The following ANKFN1 variants were observed in gnomAD, a reference collection of about 807,000 sequenced individuals.
ANKFN1 encodes ankyrin repeat and fibronectin type-III domain-containing protein 1.
A neutral mutation model predicts 108.7 loss-of-function variants in ANKFN1; 74 were observed. The observed-to-expected ratio is 0.68, with a 90% CI of 0.56 to 0.83. The LOEUF is 0.83. ANKFN1 is among the 40% of genes least tolerant of loss of function. The pLI, the probability that ANKFN1 is intolerant of heterozygous loss-of-function variation, is 0.00. For missense variants in ANKFN1, 1,505 were observed against 1,382.3 expected, an observed-to-expected ratio of 1.09 and a Z score of -1.41; for synonymous variants, 547 against 516.2, an observed-to-expected ratio of 1.06 and a Z score of -0.81.
At chr17:56,250,554 A>G (rs954019537) in intron 3 of ANKFN1, among the ~76,000 whole-genome samples, 4 of 152,224 alleles carry the variant, frequency 2.6e-5, no homozygotes, top group Admixed American at 2.6e-4. Flanking sequence ...TTCTGCACAC[A>G]GAGTATTTTT....
intron 8 of ANKFN1, among the ~76,000 whole-genome samples, chr17:56,392,314 A>C (rs1471766754): frequency 3.3e-5 from 5 of 152,180 alleles, no homozygotes; most frequent in Admixed American, 2.6e-4. Flanking sequence ...CTCTGAATTA[A>C]CAAACAAATG....
intron 4 of ANKFN1, among the ~76,000 whole-genome samples, chr17:56,330,978 A>T (rs901370655): frequency 2.0e-5 from 3 of 152,184 alleles, no homozygotes; most frequent in African/African-American, 7.2e-5. Context: ...ACTCTGTGTC[A>T]TCATTGTAAT....
chr17:56,503,609 C>T (rs2051455443), intron 20 of ANKFN1, among the ~76,000 whole-genome samples: 1 of 149,442 alleles, frequency 6.7e-6, no homozygotes, highest in Admixed American at 6.6e-5. Context: ...TTCTGCCATG[C>T]CCCCTGCCTT....
intron 4 of ANKFN1, among the ~76,000 whole-genome samples, chr17:56,327,175 T>C (rs1387193424): frequency 1.3e-5 from 2 of 152,194 alleles, no homozygotes; most frequent in Non-Finnish European, 2.9e-5. Flanking sequence ...ACTTGGTTTC[T>C]TCATTTCCTA....
chr17:56,055,557 G>GTATATATACATATATATATA (rs1904854270), intron 4 of ANKFN1, among the ~76,000 whole-genome samples: 4 of 20,952 alleles, frequency 1.9e-4, no homozygotes, highest in African/African-American at 8.0e-4. Flanking sequence ...TGTGTGTGTG[G>GTATATATACATATATATATA]TATATATACA....
At chr17:56,154,429 A>G (rs16956793) in intron 1 of ANKFN1, among the ~76,000 whole-genome samples, 1,740 of 152,246 alleles carry the variant, frequency 0.011, 36 homozygotes, top group African/African-American at 0.039. Flanking sequence ...AGTGCAAGTA[A>G]GGCATGAAAG....
intron 3 of ANKFN1, among the ~76,000 whole-genome samples, chr17:56,315,589 C>T (rs550293659): frequency 6.6e-5 from 10 of 152,332 alleles, no homozygotes; most frequent in African/African-American, 2.2e-4. Flanking sequence ...TTCCATTCAA[C>T]GCCTTTGCTG....
intron 2 of ANKFN1, among the ~76,000 whole-genome samples, chr17:56,217,389 T>C (rs1027854346): frequency 6.6e-6 from 1 of 152,222 alleles, no homozygotes; most frequent in African/African-American, 2.4e-5. Context: ...GACTCCAAAG[T>C]GTTAGCAGAG....
At position 56,510,542 on chromosome 17, in the gene ANKFN1, C is replaced by T. The variant is rs967587155; in HGVS notation, c.2714C>T (p.Ser905Phe). 1 of 1,536,088 alleles carries T rather than the reference C, an allele frequency of 6.5e-7. No homozygotes were observed. Among genetic ancestry groups the T allele is most frequent in the African/African-American group, 1.4e-5 (1 of 73,062 alleles). ...CTCCCCACCAACAGTGACTACGACT[C>T]CAGCGATGCCCTGAGCCCCAGAGAC... ...VFLPTNSDYD[S>F]SDALSPRDLD... Residue 905 changes from serine (S) to phenylalanine (F), a missense_variant, in exon 21 of 21, where the codon TCC becomes TTC. Physicochemically the swap from Ser to Phe is radical, Grantham distance 155. Coordinates refer to ENST00000682825, the MANE Select transcript of ANKFN1 (RefSeq NM_001370326.1).
intron 9 of ANKFN1, among the ~76,000 whole-genome samples, chr17:56,441,363 G>T (rs2049097686): frequency 1.3e-5 from 2 of 151,782 alleles, no homozygotes; most frequent in Non-Finnish European, 2.9e-5. Flanking sequence ...AAAAAAAAAT[G>T]CATCAGGTTG....
At position 56,065,380 on chromosome 17, in the gene ANKFN1, C is replaced by T. The variant is rs924627897; in HGVS notation, c.288+19055C>T. Among the ~76,000 whole-genome samples the T allele has an allele frequency of 2.0e-5, 3 of 152,294 alleles. No individual in the cohort carries two copies. The South Asian group carries it at 6.2e-4, about 32-fold the overall frequency. The stretch of plus-strand genomic sequence containing the variant: ...AAGGCTGTTTGGCATTCTTATCATT[C>T]ATGTGCTCATAGGAGTAACACTTTT... On this transcript the variant is annotated intron_variant, in intron 4 of 12. Coordinates refer to the ANKFN1 transcript ENST00000635860.
chr17:56,104,862 A>T (rs1470555243), intron 4 of ANKFN1, among the ~76,000 whole-genome samples: 1 of 152,184 alleles, frequency 6.6e-6, no homozygotes, highest in African/African-American at 2.4e-5. Context: ...AGAGGGTCAC[A>T]GGACAACTAC....
rs533169285 is a variant in ANKFN1, at chr17:56,066,256, T to C, written c.288+19931T>C. Reference sequence around the variant, plus strand: ...AAGAAGGCTTGGAGAAATATCACCATTGGGGAAGTCAATGTACACTTATAA... The same window carrying C: ...AAGAAGGCTTGGAGAAATATCACCACTGGGGAAGTCAATGTACACTTATAA... On this transcript the variant is annotated intron_variant, in intron 4 of 12. Transcript: ENST00000635860. Among the ~76,000 whole-genome samples the C allele has an allele frequency of 1.1e-4, 16 of 152,308 alleles. No homozygotes were observed. In the East Asian group the frequency reaches 2.3e-3, roughly 22 times the overall value.
chr17:56,329,070 A>G (rs1042248955), intron 4 of ANKFN1, among the ~76,000 whole-genome samples: 7 of 152,074 alleles, frequency 4.6e-5, no homozygotes, highest in Admixed American at 1.3e-4. Context: ...TCTAGCTGCT[A>G]CCAGAGCAAT....
intron 14 of ANKFN1, among the ~76,000 whole-genome samples, chr17:56,465,214 G>C (rs2145277836): frequency 6.6e-6 from 1 of 152,036 alleles, no homozygotes; most frequent in Middle Eastern, 3.4e-3. Flanking sequence ...TCAAATATTG[G>C]AAAGAAAAAA....
At chr17:56,092,598 A>G (rs1370503566) in intron 4 of ANKFN1, among the ~76,000 whole-genome samples, 2 of 151,084 alleles carry the variant, frequency 1.3e-5, no homozygotes, top group African/African-American at 2.4e-5. Flanking sequence ...TAAGCTGTGC[A>G]ACAAATTCCT....
chr17:56,435,749 T>G (rs2048910230), intron 8 of ANKFN1, among the ~76,000 whole-genome samples: 3 of 38,704 alleles, frequency 7.8e-5, no homozygotes, highest in African/African-American at 1.1e-4. Context: ...TTATGAGGTG[T>G]TTTTTTTTTG....
chr17:56,346,572 A>AT (rs756791117), intron 4 of ANKFN1, among the ~76,000 whole-genome samples: 7 of 151,686 alleles, frequency 4.6e-5, no homozygotes, highest in Non-Finnish European at 8.8e-5. Context: ...AAATTTAGCC[A>AT]TTTTTCTTGA....
chr17:56,449,175 A>G lies in ANKFN1; in HGVS notation c.1196A>G (p.Tyr399Cys), dbSNP rs368025457. Reference sequence around the variant, plus strand: ...CAGGTCCGAGCCCTTCATCAGCATTACAGTTGCCGGGGTAAGGATAAAAAT... The same window carrying G: ...CAGGTCCGAGCCCTTCATCAGCATTGCAGTTGCCGGGGTAAGGATAAAAAT... The part of the protein sequence containing the change: ...LQQVRALHQH[Y>C]SCRESTKLQT... Residue 399 changes from tyrosine (Y) to cysteine (C), a missense_variant, in exon 11 of 21, where the codon TAC becomes TGC. Physicochemically the swap from Tyr to Cys is radical, Grantham distance 194. Coordinates refer to ENST00000682825, the MANE Select transcript of ANKFN1 (RefSeq NM_001370326.1). 23 of 1,612,884 alleles carry G rather than the reference A, an allele frequency of 1.4e-5. No individual in the cohort carries two copies. The highest frequency in any genetic ancestry group is 1.8e-5 in the Non-Finnish European group (21 of 1,179,314).
Sources: allele counts gnomAD v4.1 joint callset (sites outside exome capture counted in the v4.1 genomes callset), GRCh38; gene constraint gnomAD v4.1.1; transcripts MANE v1.5; gene names NCBI Gene and HGNC (gene_info 2026-07-23, HGNC 2026-07-21).